The following DAAM2 variants were observed in gnomAD, a reference collection of about 807,000 sequenced individuals.
The protein encoded by DAAM2 is disheveled-associated activator of morphogenesis 2.
Under a neutral mutation model 120.7 loss-of-function variants are expected in DAAM2, and 39 were observed. The ratio of observed to expected loss-of-function variants is 0.32; its 90% CI spans 0.25 to 0.42. The LOEUF is 0.42. Ranked by LOEUF, DAAM2 falls within the 10% of genes least tolerant of loss-of-function variation. The pLI, the probability that DAAM2 is intolerant of heterozygous loss-of-function variation, is 1.00. For missense variants in DAAM2, 1,283 were observed against 1,401.7 expected, an observed-to-expected ratio of 0.92 and a Z score of 1.35; for synonymous variants, 488 against 524.9, an observed-to-expected ratio of 0.93 and a Z score of 0.96.
Position 39,896,817 on chromosome 6 carries a change from C to T in DAAM2, c.2347C>T (p.Leu783=), listed in dbSNP as rs1472099724. 2 of 1,593,934 alleles carry T rather than the reference C, an allele frequency of 1.3e-6. No homozygotes were observed. Among genetic ancestry groups the T allele is most frequent in the Admixed American group, 1.7e-5 (1 of 57,816 alleles). Residue 783 remains leucine (L), a synonymous_variant, in exon 20 of 25, where the codon CTG becomes TTG. Coordinates refer to ENST00000274867, the MANE Select transcript of DAAM2 (RefSeq NM_001201427.2). ...ACCTGTGCCTCCTCTCCCAGCCATC[C>T]TGTTGGCCTCCCGGGAGCTGGTCCG... The part of the protein sequence containing the change: ...AEAKPKVEAI[L]LASRELVRSK...
intron 1 of DAAM2, among the ~76,000 whole-genome samples, chr6:39,796,608 G>A (rs989731911): frequency 8.5e-6 from 1 of 118,104 alleles, no homozygotes; most frequent in African/African-American, 3.2e-5. Flanking sequence ...TTTCTTTCTG[G>A]GGTCCCCCTC....
At position 39,900,171 on chromosome 6, in the gene DAAM2, C is replaced by T. The variant is rs753776207; in HGVS notation, c.2774C>T (p.Ser925Phe). The change falls in exon 23 of 25, where the codon TCC becomes TTC. Residue 925 changes from serine to phenylalanine, a missense_variant. Transcript: ENST00000274867. ...DFITVSSFSFSELEDQLNEAR... is the reference protein window; with the variant it reads ...DFITVSSFSFFELEDQLNEAR... ...ATCACGGTGTCCAGCTTCAGCTTCT[C>T]CGAGCTGGAGGACCAGCTAAATGAG... is the stretch of plus-strand genomic sequence containing the variant. The T allele has an allele frequency of 1.2e-6, 2 of 1,607,988 alleles. No individual in the cohort carries two copies. Among genetic ancestry groups the T allele is most frequent in the Non-Finnish European group, 1.7e-6 (2 of 1,177,344 alleles).
At chr6:39,825,443 GT>G (rs370491812) in intron 1 of DAAM2, among the ~76,000 whole-genome samples, 10,087 of 106,480 alleles carry the variant, frequency 0.095, 1,148 homozygotes, top group African/African-American at 0.21. Flanking sequence ...AGGTCGGGGG[GT>G]TGGTGGGGGG....
intron 22 of DAAM2, 121 bp from the exon 23 acceptor site, chr6:39,899,956 A>G: frequency 1.8e-6 from 2 of 1,113,744 alleles, no homozygotes; most frequent in Middle Eastern, 2.2e-4. Context: ...TTTGAGATGC[A>G]GGGTGTTCCC....
chr6:39,824,216 G>T (rs1762588222), intron 1 of DAAM2, among the ~76,000 whole-genome samples: 1 of 152,146 alleles, frequency 6.6e-6, no homozygotes, highest in Non-Finnish European at 1.5e-5. Flanking sequence ...CCAGTTCTGT[G>T]CCTGCTGGGC....
At chr6:39,886,126 A>T (rs1765368337) in intron 15 of DAAM2, 1 of 333,546 alleles carries the variant, frequency 3.0e-6, no homozygotes, top group South Asian at 1.6e-4. Context: ...CTGGGGTGGG[A>T]GAACTCAGGG....
rs1014904022 is a variant in DAAM2 at position 39,878,779 on chromosome 6, C to T, written c.1545+191C>T. 2.0e-5 allele frequency among the ~76,000 whole-genome samples: 3 copies of T among 152,164 alleles called. No individual in the cohort carries two copies. Among genetic ancestry groups the T allele is most frequent in the African/African-American group, 7.2e-5 (3 of 41,428 alleles). ...TCTTTGTGTTAGAAAAATAATGTCC[C>T]TTCCTCTGGGTGACACTGTGCCAGG... is the stretch of plus-strand genomic sequence containing the variant. On this transcript the variant is annotated intron_variant, in intron 13 of 24. Coordinates refer to ENST00000274867, the MANE Select transcript of DAAM2 (RefSeq NM_001201427.2). This position sits in a 1 kb window ranked among gnomAD's most constrained non-coding sequence, Gnocchi z 5.0.
At chr6:39,886,376 A>G (rs1261529530) in intron 15 of DAAM2, 2 of 399,162 alleles carry the variant, frequency 5.0e-6, no homozygotes, top group Non-Finnish European at 8.8e-6. Context: ...GTCTTGGCTA[A>G]TGTTGTGCAT....
intron 15 of DAAM2, chr6:39,884,958 T>C (rs1765309892): frequency 1.3e-5 from 2 of 152,052 alleles, no homozygotes; most frequent in Non-Finnish European, 2.9e-5. Flanking sequence ...CCTCAGGGAA[T>C]TGCTTTATCT....
intron 10 of DAAM2, among the ~76,000 whole-genome samples, chr6:39,873,958 C>T (rs1375262639): frequency 6.6e-6 from 1 of 152,138 alleles, no homozygotes; most frequent in Non-Finnish European, 1.5e-5. Flanking sequence ...TTTAACTGTA[C>T]CCCTTGGTAC....
chr6:39,820,757 A>G (rs1762463045), intron 1 of DAAM2: 1 of 152,260 alleles, frequency 6.6e-6, no homozygotes. Context: ...TTGGCAATTT[A>G]CTATCTCCAG....
chr6:39,839,326 C>T (rs143304932), intron 1 of DAAM2, among the ~76,000 whole-genome samples: 1 of 152,216 alleles, frequency 6.6e-6, no homozygotes, highest in Non-Finnish European at 1.5e-5. Context: ...GTCTTCCCCC[C>T]AGATCTGTTT....
At chr6:39,843,627 G>A (rs896129483) in intron 1 of DAAM2, among the ~76,000 whole-genome samples, 2 of 152,204 alleles carry the variant, frequency 1.3e-5, no homozygotes, top group South Asian at 2.1e-4. Flanking sequence ...GTTTCAAGAT[G>A]GCAATAGCAG....
chr6:39,841,326 G>C (rs995297297), intron 1 of DAAM2, among the ~76,000 whole-genome samples: 3 of 136,714 alleles, frequency 2.2e-5, no homozygotes, highest in Admixed American at 7.1e-5. Context: ...GGGGCTTCTA[G>C]GGCGAGGGTT....
Position 39,873,435 on chromosome 6 carries a change from T to C in DAAM2, c.1162+80T>C, listed in dbSNP as rs879084919. ...CAGGTTTAGACAAGACTTTGGGACC[T>C]CCCTGGTTTGGGGAGTCTGACCATG... On this transcript the variant is annotated intron_variant, in intron 10 of 24. Transcript: ENST00000274867. 1.7e-5 allele frequency: 17 copies of C among 995,288 alleles called. No homozygotes were observed. The South Asian group carries it at 2.2e-4, about 13-fold the overall frequency. 61.7% of individuals were successfully genotyped at this position (995,288 alleles called of 1,614,324 possible).
chr6:39,847,386 C>G (rs754191326), intron 1 of DAAM2, among the ~76,000 whole-genome samples: 9 of 152,160 alleles, frequency 5.9e-5, no homozygotes, highest in Non-Finnish European at 1.3e-4. Flanking sequence ...CTTTCAGTAA[C>G]AGCAACCCCG....
chr6:39,849,603 A>G (rs1369926701), intron 1 of DAAM2, among the ~76,000 whole-genome samples: 2 of 152,216 alleles, frequency 1.3e-5, no homozygotes, highest in African/African-American at 4.8e-5. Context: ...GTTAGAGTTG[A>G]TGGCAACTGA....
chr6:39,870,609 C>T (rs552429229), intron 8 of DAAM2, among the ~76,000 whole-genome samples, 166 bp downstream of exon 8: 198 of 152,294 alleles, frequency 1.3e-3, no homozygotes, highest in Non-Finnish European at 2.1e-3. Context: ...CTTGCCTGTC[C>T]TCTTTGCTGA....
chr6:39,856,206 A>G, intron 1 of DAAM2, 41 bp from the exon 2 acceptor site: 1 of 1,336,948 alleles, frequency 7.5e-7, no homozygotes, highest in Non-Finnish European at 9.6e-7. Context: ...GGCCTATCTG[A>G]CTGTATGCCT....
Sources: allele counts gnomAD v4.1 joint callset (sites outside exome capture counted in the v4.1 genomes callset), GRCh38; gene constraint gnomAD v4.1.1; non-coding constraint Gnocchi (gnomAD v3.1); transcripts MANE v1.5; gene names NCBI Gene and HGNC (gene_info 2026-07-23, HGNC 2026-07-21).